GRM8: variants seen among roughly 807,000 people sequenced by gnomAD.
GRM8 encodes glutamate metabotropic receptor 8, also known as metabotropic glutamate receptor 8.
Under a neutral mutation model 87.2 loss-of-function variants are expected in GRM8, and 47 were observed. The ratio of observed to expected loss-of-function variants is 0.54; its 90% CI spans 0.43 to 0.69. The LOEUF (loss-of-function observed/expected upper bound fraction) is 0.69. GRM8 is among the 30% of genes least tolerant of loss of function. The pLI, the probability that GRM8 is intolerant of heterozygous loss-of-function variation, is 0.00. For missense variants in GRM8, 1,019 were observed against 1,139.2 expected (o/e 0.89, Z 1.52); for synonymous variants, 396 against 404.5 (o/e 0.98, Z 0.25).
At chr7:127,014,353 G>C (rs1815191608) in intron 3 of GRM8, among the ~76,000 whole-genome samples, 1 of 152,078 alleles carries the variant, frequency 6.6e-6, no homozygotes, top group South Asian at 2.1e-4. Flanking sequence ...TCTTCAAGGG[G>C]CTGCTTTTAG....
intron 8 of GRM8, among the ~76,000 whole-genome samples, chr7:126,559,546 G>C: frequency 6.6e-6 from 1 of 152,136 alleles, no homozygotes; most frequent in East Asian, 1.9e-4. Context: ...TTCAAACCTC[G>C]TCTCAATTAC....
In GRM8 at chr7:126,682,415, T is replaced by G. The variant is rs373275312; in HGVS notation, c.1358-72917A>C. The stretch of plus-strand genomic sequence containing the variant: ...TTCTCATGAGATCATAAGGGAGGCT[T>G]TATTATCCCCAATTTGGAGATGAGA... On this transcript the variant is annotated intron_variant, in intron 7 of 10. Coordinates refer to ENST00000339582, the MANE Select transcript of GRM8 (RefSeq NM_000845.3). 1.3e-3 allele frequency among the ~76,000 whole-genome samples: 194 copies of G among 152,322 alleles called. 6 individuals are homozygous for G. The South Asian group carries it at 0.039, about 31-fold the overall frequency.
intron 2 of GRM8, among the ~76,000 whole-genome samples, chr7:127,136,716 G>A (rs552866988): frequency 1.4e-4 from 22 of 151,892 alleles, no homozygotes; most frequent in Admixed American, 9.2e-4. Context: ...GGCAATAGAC[G>A]TCTCTACAAA....
chr7:126,473,785 G>A (rs915555646), intron 9 of GRM8, among the ~76,000 whole-genome samples: 1 of 152,000 alleles, frequency 6.6e-6, no homozygotes, highest in African/African-American at 2.4e-5. Context: ...TAATCATGGG[G>A]GCAGGTTTTT....
In GRM8 at chr7:127,092,993, C is replaced by T. The variant is rs550168782; in HGVS notation, c.727+13503G>A. Reference sequence around the variant, plus strand: ...CTGTGTGTGCCCACAAAAACACATGCACACATGTTCTTTCTTATTCAAATG... The same window carrying T: ...CTGTGTGTGCCCACAAAAACACATGTACACATGTTCTTTCTTATTCAAATG... On this transcript the variant is annotated intron_variant, in intron 3 of 10. Coordinates refer to ENST00000339582, the MANE Select transcript of GRM8 (RefSeq NM_000845.3). 4.6e-5 allele frequency among the ~76,000 whole-genome samples: 7 copies of T among 152,344 alleles called. No individual in the cohort carries two copies. In the South Asian group the frequency reaches 1.5e-3, roughly 32 times the overall value.
intron 3 of GRM8, among the ~76,000 whole-genome samples, chr7:127,010,666 T>C (rs1335464369): frequency 6.6e-6 from 1 of 152,162 alleles, no homozygotes; most frequent in Non-Finnish European, 1.5e-5. Context: ...TCTCACTCAG[T>C]ACAATATAAA....
At chr7:126,935,529 TG>T (rs1210374217) in intron 3 of GRM8, among the ~76,000 whole-genome samples, 1 of 152,174 alleles carries the variant, frequency 6.6e-6, no homozygotes, top group Non-Finnish European at 1.5e-5. Flanking sequence ...AGATGCTATG[TG>T]GACATGGGGG....
At chr7:127,043,536 G>A (rs1017380727) in intron 3 of GRM8, among the ~76,000 whole-genome samples, 1 of 152,108 alleles carries the variant, frequency 6.6e-6, no homozygotes. Context: ...AACACCACAT[G>A]TTCTCACTCA....
intron 2 of GRM8, among the ~76,000 whole-genome samples, chr7:127,213,840 C>T (rs970288089): frequency 8.3e-4 from 126 of 152,206 alleles, no homozygotes; most frequent in African/African-American, 2.9e-3. Context: ...TATTGGAAAC[C>T]ATTAGGCAAT....
intron 3 of GRM8, among the ~76,000 whole-genome samples, chr7:127,055,103 A>G (rs888365209): frequency 6.6e-6 from 1 of 152,170 alleles, no homozygotes; most frequent in Non-Finnish European, 1.5e-5. Flanking sequence ...CTCCTTGCCA[A>G]AGATAACTTA....
chr7:126,497,799 C>T (rs559942356), intron 9 of GRM8, among the ~76,000 whole-genome samples: 1 of 152,000 alleles, frequency 6.6e-6, no homozygotes, highest in South Asian at 2.1e-4. Context: ...GCAGTAGTAA[C>T]CTATGATGCT....
intron 2 of GRM8, among the ~76,000 whole-genome samples, chr7:127,205,635 G>C (rs560922258): frequency 4.6e-5 from 7 of 152,120 alleles, no homozygotes; most frequent in Non-Finnish European, 8.8e-5. Context: ...CCACTGGAAG[G>C]GTCCAGGGTA....
chr7:126,908,088 T>C (rs1802895400), intron 3 of GRM8, among the ~76,000 whole-genome samples: 1 of 152,128 alleles, frequency 6.6e-6, no homozygotes, highest in South Asian at 2.1e-4. Flanking sequence ...GTCTTCAAAG[T>C]ATGCATGGAA....
At chr7:126,996,921 T>TCCAGACTATAGAAC (rs994862984) in intron 3 of GRM8, among the ~76,000 whole-genome samples, 14 of 152,018 alleles carry the variant, frequency 9.2e-5, no homozygotes, top group Non-Finnish European at 1.8e-4. Context: ...TCAGACTTAA[T>TCCAGACTATAGAAC]CCAGACTATA....
At chr7:126,724,137 C>T (rs942027985) in intron 7 of GRM8, among the ~76,000 whole-genome samples, 3 of 152,016 alleles carry the variant, frequency 2.0e-5, no homozygotes, top group East Asian at 1.9e-4. Context: ...GGAAGGAAGC[C>T]GACTCAGCTA....
At chr7:126,688,767 C>CAG (rs1157625903) in intron 7 of GRM8, among the ~76,000 whole-genome samples, 20 of 151,704 alleles carry the variant, frequency 1.3e-4, no homozygotes, top group Admixed American at 2.0e-4. Flanking sequence ...CACACACACA[C>CAG]AGAGACACAC....
At chr7:126,846,766 G>C (rs1220993018) in intron 6 of GRM8, among the ~76,000 whole-genome samples, 2 of 152,086 alleles carry the variant, frequency 1.3e-5, no homozygotes, top group African/African-American at 2.4e-5. Context: ...AAATAAAAGA[G>C]AGTAGAAACA....
intron 6 of GRM8, among the ~76,000 whole-genome samples, chr7:126,838,182 A>G (rs930639277): frequency 4.6e-5 from 7 of 152,326 alleles, no homozygotes; most frequent in South Asian, 2.1e-4. Flanking sequence ...AATTTGATGC[A>G]TTGTGCATTT....
intron 3 of GRM8, among the ~76,000 whole-genome samples, chr7:126,939,294 G>T (rs903426187): frequency 6.6e-6 from 1 of 152,194 alleles, no homozygotes; most frequent in Non-Finnish European, 1.5e-5. Context: ...TTCTAGGTTT[G>T]AGAAGCCAAT....
Sources: allele counts gnomAD v4.1 joint callset (sites outside exome capture counted in the v4.1 genomes callset), GRCh38; gene constraint gnomAD v4.1.1; transcripts MANE v1.5; gene names NCBI Gene and HGNC (gene_info 2026-07-23, HGNC 2026-07-21).